Variants in PIGK observed in about 807,000 individuals in gnomAD.
PIGK encodes the protein phosphatidylinositol glycan anchor biosynthesis class K, also known as GPI-anchor transamidase.
Under a neutral mutation model 50.6 loss-of-function variants are expected in PIGK, and 42 were observed. That is an observed-to-expected ratio of 0.83 (90% CI 0.65 to 1.07). The LOEUF (loss-of-function observed/expected upper bound fraction) is 1.07. Among genes scored for constraint, PIGK ranks in the 50% least tolerant of loss-of-function variants. The pLI is 0.00. For synonymous variants in PIGK, 151 were observed against 156.0 expected (o/e 0.97, Z 0.24); for missense variants, 448 against 488.7 (o/e 0.92, Z 0.78).
chr1:77,186,946 G>A (rs1309286628), intron 3 of PIGK, among the ~76,000 whole-genome samples: 2 of 152,276 alleles, frequency 1.3e-5, no homozygotes, highest in African/African-American at 2.4e-5. Flanking sequence ...GTCCCCACTG[G>A]AATAAACACT....
At position 77,173,995 on chromosome 1, in the gene PIGK, C is replaced by T. The variant is rs1655424159; in HGVS notation, c.240-4600G>A. Among the ~76,000 whole-genome samples, 2 of 152,202 alleles carry T rather than the reference C, an allele frequency of 1.3e-5. 1 individual carries two copies. Among genetic ancestry groups the T allele is most frequent in the South Asian group, 4.1e-4 (2 of 4,834 alleles). Reference sequence around the variant, plus strand: ...TTGAGCAGTTAAAAGCCTTTGCAAACTCAAAATTGACTGCTCTAGACTTCT... The same window carrying T: ...TTGAGCAGTTAAAAGCCTTTGCAAATTCAAAATTGACTGCTCTAGACTTCT... On this transcript the variant is annotated intron_variant, in intron 3 of 10. Coordinates refer to ENST00000370812, the MANE Select transcript of PIGK (RefSeq NM_005482.3).
intron 3 of PIGK, among the ~76,000 whole-genome samples, chr1:77,204,365 TGATAA>T (rs1030526094): frequency 3.0e-4 from 46 of 152,262 alleles, no homozygotes; most frequent in African/African-American, 1.1e-3. Context: ...CCCTGCCTCC[TGATAA>T]GATGTTATCA....
At chr1:77,139,367 C>T (rs1445113742) in intron 9 of PIGK, among the ~76,000 whole-genome samples, 1 of 151,838 alleles carries the variant, frequency 6.6e-6, no homozygotes, top group Non-Finnish European at 1.5e-5. Flanking sequence ...ACACAGTCCC[C>T]TGTAAAGGTT....
chr1:77,143,701 T>C (rs1206793282), intron 9 of PIGK, among the ~76,000 whole-genome samples: 2 of 152,122 alleles, frequency 1.3e-5, no homozygotes, highest in Non-Finnish European at 2.9e-5. Context: ...TATACAAATA[T>C]ATGATACTAC....
At chr1:77,174,780 A>C (rs1655445194) in intron 3 of PIGK, among the ~76,000 whole-genome samples, 1 of 152,154 alleles carries the variant, frequency 6.6e-6, no homozygotes, top group East Asian at 1.9e-4. Flanking sequence ...TTTTCCTTCC[A>C]GCTGTGCCTG....
chr1:77,215,761 A>C (rs190637232), intron 1 of PIGK, among the ~76,000 whole-genome samples: 49 of 152,338 alleles, frequency 3.2e-4, no homozygotes, highest in Non-Finnish European at 6.2e-4. Context: ...TCATCCATAA[A>C]AAGAATAAAA....
intron 10 of PIGK, among the ~76,000 whole-genome samples, chr1:77,102,471 C>T (rs1026260945): frequency 7.9e-5 from 12 of 152,070 alleles, no homozygotes; most frequent in African/African-American, 2.4e-4. Flanking sequence ...AGAACAAGAG[C>T]GATGACAACT....
intron 9 of PIGK, among the ~76,000 whole-genome samples, chr1:77,145,292 TG>T (rs1266230249): frequency 6.6e-6 from 1 of 151,940 alleles, no homozygotes; most frequent in Non-Finnish European, 1.5e-5. Context: ...ATATAAATTT[TG>T]GAATCAGCTT....
chr1:77,208,745 A>G (rs839811), intron 2 of PIGK, among the ~76,000 whole-genome samples: 4,804 of 152,216 alleles, frequency 0.032, 253 homozygotes, highest in African/African-American at 0.11. Context: ...TGAGCCATGG[A>G]CCCATGTTAC....
At chr1:77,196,172 T>C (rs953402330) in intron 3 of PIGK, among the ~76,000 whole-genome samples, 6 of 152,248 alleles carry the variant, frequency 3.9e-5, no homozygotes, top group African/African-American at 1.4e-4. Context: ...GTTCTTTTTA[T>C]GGCTGCATAG....
Position 77,091,187 on chromosome 1 carries a change from C to T in PIGK, c.*1187G>A, listed in dbSNP as rs979300916. ...CAGACATAAATACTTAACTTTTAGG[C>T]TTTTCCTCTACTCATATGCAAAAGT... On this transcript the variant is annotated 3_prime_UTR_variant, in exon 11 of 11. Coordinates refer to ENST00000370812, the MANE Select transcript of PIGK (RefSeq NM_005482.3). 1 of 152,146 alleles carries T rather than the reference C, an allele frequency of 6.6e-6. No homozygotes were observed. Among genetic ancestry groups the T allele is most frequent in the East Asian group, 1.9e-4 (1 of 5,202 alleles). The allele number at this position is 152,146 out of a possible 1,614,324, so 9.4% of individuals were successfully genotyped here.
chr1:77,219,246 C>G, intron 1 of PIGK, 64 bp downstream of exon 1: 4 of 1,345,422 alleles, frequency 3.0e-6, no homozygotes, highest in Non-Finnish European at 4.3e-6. Flanking sequence ...TACTGTGTAT[C>G]GGACATCTGC....
In PIGK at chr1:77,154,595, A is replaced by C. The variant is rs1314282275; in HGVS notation, c.840T>G (p.Cys280Trp). The change falls in exon 9 of 11, where the codon TGT (cysteine) becomes TGG (tryptophan). Residue 280 changes from cysteine (C) to tryptophan (W), a missense_variant. Transcript: ENST00000370812. ...DLFQVCPKSL[C>W]VSTPGHRTDL... ...CAGTGCGATGTCCAGGAGTAGACAC[A>C]CACAGACTTTTGGGACATACCTGAA... is the stretch of plus-strand genomic sequence containing the variant. 6.2e-7 allele frequency: 1 copy of C among 1,612,458 alleles called. No individual in the cohort carries two copies. The highest frequency in any genetic ancestry group is 8.5e-7 in the Non-Finnish European group (1 of 1,178,942).
intron 8 of PIGK, among the ~76,000 whole-genome samples, chr1:77,154,929 C>T (rs1238477517): frequency 6.6e-6 from 1 of 152,156 alleles, no homozygotes; most frequent in African/African-American, 2.4e-5. Flanking sequence ...AACTCATACT[C>T]AACACGATGA....
chr1:77,188,672 T>C (rs985820176), intron 3 of PIGK, among the ~76,000 whole-genome samples: 8 of 152,218 alleles, frequency 5.3e-5, no homozygotes, highest in African/African-American at 1.9e-4. Flanking sequence ...AAATCCCTAA[T>C]AAAAACTTGC....
At chr1:77,141,071 A>G (rs1277141476) in intron 9 of PIGK, among the ~76,000 whole-genome samples, 2 of 152,196 alleles carry the variant, frequency 1.3e-5, no homozygotes, top group Non-Finnish European at 2.9e-5. Context: ...CTCTAAATAT[A>G]CACATCTTTG....
At chr1:77,201,941 C>A (rs1418446873) in intron 3 of PIGK, among the ~76,000 whole-genome samples, 1 of 151,710 alleles carries the variant, frequency 6.6e-6, no homozygotes, top group African/African-American at 2.4e-5. Flanking sequence ...ACCTGTAGTT[C>A]CAGCTACTTG....
chr1:77,152,315 A>G lies in PIGK; in HGVS notation c.986+2134T>C, dbSNP rs1004541350. Among the ~76,000 whole-genome samples, 8 of 152,070 alleles carry G rather than the reference A, an allele frequency of 5.3e-5. No homozygotes were observed. The South Asian group carries it at 1.7e-3, about 31-fold the overall frequency. ...TATCCATATGCAGAAGAATGAAACT[A>G]GATCCCCAACTTTCACCATATCCCA... On this transcript the variant is annotated intron_variant, in intron 9 of 10. Coordinates refer to ENST00000370812, the MANE Select transcript of PIGK (RefSeq NM_005482.3).
At chr1:77,100,918 A>G (rs1183353672) in intron 10 of PIGK, among the ~76,000 whole-genome samples, 1 of 152,182 alleles carries the variant, frequency 6.6e-6, no homozygotes, top group Non-Finnish European at 1.5e-5. Context: ...GAGAACCCTG[A>G]GCCTCAAATA....
Sources: allele counts gnomAD v4.1 joint callset (sites outside exome capture counted in the v4.1 genomes callset), GRCh38; gene constraint gnomAD v4.1.1; transcripts MANE v1.5; gene names NCBI Gene and HGNC (gene_info 2026-07-23, HGNC 2026-07-21).